AKAP6: variants seen among roughly 807,000 people sequenced by gnomAD.
AKAP6 encodes A-kinase anchor protein 6.
Under a neutral mutation model 188.5 loss-of-function variants are expected in AKAP6, and 58 were observed. The observed-to-expected ratio is 0.31, with a 90% CI of 0.25 to 0.38. AKAP6 has a LOEUF of 0.38. Ranked by LOEUF, AKAP6 falls within the 10% of genes least tolerant of loss-of-function variation. The pLI, the probability that AKAP6 is intolerant of heterozygous loss-of-function variation, is 1.00. For missense variants in AKAP6, 2,710 were observed against 2,740.0 expected (o/e 0.99, Z 0.24); for synonymous variants, 989 against 998.6 (o/e 0.99, Z 0.18).
At chr14:32,420,909 T>TTGTGTGTGTGTG (rs71432053) in intron 1 of AKAP6, among the ~76,000 whole-genome samples, 21,259 of 146,176 alleles carry the variant, frequency 0.15, 1,635 homozygotes, top group East Asian at 0.31. Context: ...GGAGATTGAT[T>TTGTGTGTGTGTG]TGTGTGTGTG....
intron 2 of AKAP6, among the ~76,000 whole-genome samples, chr14:32,501,596 TG>T (rs1279027397): frequency 2.6e-5 from 4 of 152,150 alleles, no homozygotes; most frequent in Non-Finnish European, 5.9e-5. Context: ...AAAATAGGTT[TG>T]GCGAGTACAG....
intron 2 of AKAP6, among the ~76,000 whole-genome samples, chr14:32,468,397 A>G (rs1298868695): frequency 6.6e-6 from 1 of 152,142 alleles, no homozygotes; most frequent in African/African-American, 2.4e-5. Context: ...AAGTCCTGTG[A>G]GACAATGCCT....
intron 11 of AKAP6, among the ~76,000 whole-genome samples, chr14:32,759,622 AG>A (rs2032468730): frequency 6.6e-6 from 1 of 152,212 alleles, no homozygotes; most frequent in Non-Finnish European, 1.5e-5. Context: ...CAGGCTTCAC[AG>A]GAAGCATGGT....
At chr14:32,609,713 G>A (rs191263789) in intron 7 of AKAP6, among the ~76,000 whole-genome samples, 7 of 152,190 alleles carry the variant, frequency 4.6e-5, no homozygotes, top group Admixed American at 4.6e-4. Flanking sequence ...GAGAGTGAAG[G>A]AACAGAGGAG....
chr14:32,504,804 A>G (rs1386994535), intron 2 of AKAP6, among the ~76,000 whole-genome samples: 1 of 152,228 alleles, frequency 6.6e-6, no homozygotes, highest in Non-Finnish European at 1.5e-5. Flanking sequence ...GACAACAATA[A>G]GATACAGTCG....
chr14:32,636,580 T>A (rs1441902573), intron 7 of AKAP6, among the ~76,000 whole-genome samples: 3 of 152,014 alleles, frequency 2.0e-5, no homozygotes, highest in African/African-American at 7.2e-5. Context: ...GTGAGTGCAG[T>A]GTGGTAAGTC....
At chr14:32,371,621 A>G (rs1169256127) in intron 1 of AKAP6, among the ~76,000 whole-genome samples, 2 of 152,174 alleles carry the variant, frequency 1.3e-5, no homozygotes, top group African/African-American at 4.8e-5. Flanking sequence ...AAATGATTCT[A>G]TAAAAATTGG....
intron 1 of AKAP6, among the ~76,000 whole-genome samples, chr14:32,414,924 C>T (rs555894241): frequency 9.1e-4 from 139 of 152,276 alleles, no homozygotes; most frequent in African/African-American, 3.2e-3. Flanking sequence ...ATTTGGATGC[C>T]TGTTTCGCTT....
intron 1 of AKAP6, among the ~76,000 whole-genome samples, chr14:32,361,071 T>TATATATATATATATATATA (rs1213844124): frequency 1.9e-4 from 28 of 149,108 alleles, no homozygotes; most frequent in East Asian, 6.3e-4. Flanking sequence ...TATATATATA[T>TATATATATATATATATATA]TTGAGAAGCT....
chr14:32,570,847 C>T (rs1039892981), intron 4 of AKAP6, among the ~76,000 whole-genome samples: 4 of 152,136 alleles, frequency 2.6e-5, no homozygotes, highest in Non-Finnish European at 5.9e-5. Context: ...CAAATTAATC[C>T]TCATTTAGTT....
chr14:32,555,479 T>C (rs147391511), intron 4 of AKAP6, among the ~76,000 whole-genome samples: 3 of 152,338 alleles, frequency 2.0e-5, no homozygotes, highest in African/African-American at 7.2e-5. Flanking sequence ...CAAAATGTGC[T>C]ATCTTAACCA....
At chr14:32,490,677 C>T (rs1879964135) in intron 2 of AKAP6, among the ~76,000 whole-genome samples, 1 of 152,126 alleles carries the variant, frequency 6.6e-6, no homozygotes, top group African/African-American at 2.4e-5. Context: ...TTCAGTTTAG[C>T]TTCTTAAGCT....
chr14:32,398,794 CT>C (rs1888966808), intron 1 of AKAP6, among the ~76,000 whole-genome samples: 2 of 144,470 alleles, frequency 1.4e-5, no homozygotes, highest in Non-Finnish European at 3.0e-5. Flanking sequence ...CTCTCTCTCT[CT>C]CTCTCTCTCC....
chr14:32,774,855 C>A (rs1313620621), intron 12 of AKAP6, among the ~76,000 whole-genome samples: 2 of 152,080 alleles, frequency 1.3e-5, no homozygotes, highest in African/African-American at 4.8e-5. Flanking sequence ...ATTGAAAAAT[C>A]AAATGTAAAA....
At position 32,545,524 on chromosome 14, in the gene AKAP6, A is replaced by C; in HGVS notation, c.871A>C (p.Thr291Pro). ...SISTNGSEAV[T>P]EEVSQVSLSV... ...CTCTACCAATGGCAGTGAAGCAGTT[A>C]CTGAGGAGGTATCTCAAGTATCTCT... is the stretch of plus-strand genomic sequence containing the variant. Residue 291 changes from threonine (T) to proline (P), a missense_variant, in exon 4 of 14, where the codon ACT (threonine) becomes CCT (proline). This residue lies in a region of AKAP6 where 2,473 missense variants were observed against 2,426.1 expected (regional missense o/e 1.02). Coordinates refer to ENST00000280979, the MANE Select transcript of AKAP6 (RefSeq NM_004274.5). 6.2e-7 allele frequency: 1 copy of C among 1,614,228 alleles called. No individual in the cohort carries two copies. The highest frequency in any genetic ancestry group is 8.5e-7 in the Non-Finnish European group (1 of 1,180,022).
chr14:32,760,609 C>A (rs1034393469), intron 11 of AKAP6, among the ~76,000 whole-genome samples: 1 of 152,110 alleles, frequency 6.6e-6, no homozygotes, highest in East Asian at 1.9e-4. Context: ...ACTACCCTCC[C>A]GTGTATTCAA....
intron 2 of AKAP6, among the ~76,000 whole-genome samples, chr14:32,487,657 G>C (rs371857692): frequency 2.0e-5 from 3 of 152,184 alleles, no homozygotes; most frequent in African/African-American, 4.8e-5. Flanking sequence ...TTTTGCACTG[G>C]TTTTTCCTCA....
intron 2 of AKAP6, among the ~76,000 whole-genome samples, chr14:32,502,976 A>G (rs1286262616): frequency 2.0e-5 from 3 of 152,146 alleles, no homozygotes; most frequent in African/African-American, 7.2e-5. Flanking sequence ...TAGTCAATAT[A>G]TATAGTATAT....
At chr14:32,533,551 T>C (rs1324025284) in intron 2 of AKAP6, among the ~76,000 whole-genome samples, 1 of 152,080 alleles carries the variant, frequency 6.6e-6, no homozygotes, top group Non-Finnish European at 1.5e-5. Context: ...AGTGTTTTTT[T>C]ACAACAGAAT....
Sources: allele counts gnomAD v4.1 joint callset (sites outside exome capture counted in the v4.1 genomes callset), GRCh38; gene constraint gnomAD v4.1.1; regional missense constraint gnomAD v4.1.1; transcripts MANE v1.5; gene names NCBI Gene and HGNC (gene_info 2026-07-23, HGNC 2026-07-21).